COX7C: variants seen among roughly 807,000 people sequenced by gnomAD.
The protein encoded by COX7C is cytochrome c oxidase subunit 7C, mitochondrial.
Under a neutral mutation model 6.4 loss-of-function variants are expected in COX7C, and 1 was observed. That is an observed-to-expected ratio of 0.16 (90% CI 0.06 to 0.74). COX7C has a LOEUF of 0.74. Ranked by LOEUF, COX7C falls within the 30% of genes least tolerant of loss-of-function variation. COX7C has a pLI of 0.78. For synonymous variants in COX7C, 24 were observed against 28.9 expected (o/e 0.83, Z 0.54); for missense variants, 54 against 73.7 (o/e 0.73, Z 0.98).
intron 2 of COX7C, chr5:86,620,232 A>G (rs1750092771): frequency 6.6e-6 from 1 of 152,552 alleles, no homozygotes; most frequent in Admixed American, 6.5e-5. Flanking sequence ...GCATTTGGCA[A>G]TGTGAGACAT....
In COX7C at chr5:86,619,433, C is replaced by G; in HGVS notation, c.156C>G (p.Pro52=). Residue 52 remains proline (P), a synonymous_variant, in exon 2 of 3, where the codon CCC becomes CCG. Coordinates refer to ENST00000247655, the MANE Select transcript of COX7C (RefSeq NM_001867.3). ...ACTTTGGATCTGCATTTGCTACACC[C>G]TTCCTTGTAGTAAGACACCAACTGC... ...CLYFGSAFAT[P]FLVVRHQLLK... 6.2e-7 allele frequency: 1 copy of G among 1,613,292 alleles called. No individual in the cohort carries two copies. Among genetic ancestry groups the G allele is most frequent in the South Asian group, 1.1e-5 (1 of 91,066 alleles).
At chr5:86,619,768 C>CA in intron 2 of COX7C, 1 of 252,928 alleles carries the variant, frequency 4.0e-6, no homozygotes, top group South Asian at 7.1e-5. Flanking sequence ...ATAGTAACCC[C>CA]ATCTGAGACA....
In COX7C at chr5:86,620,873, A is replaced by G. The variant is rs1341536924; in HGVS notation, c.*233A>G. Reference sequence around the variant, plus strand: ...TACTCTCTGTGATTTAGCTTATTTAATGGTGTTAAACTGAGGTTATATTAA... The same window carrying G: ...TACTCTCTGTGATTTAGCTTATTTAGTGGTGTTAAACTGAGGTTATATTAA... On this transcript the variant is annotated 3_prime_UTR_variant, in exon 3 of 3. Coordinates refer to ENST00000247655, the MANE Select transcript of COX7C (RefSeq NM_001867.3). The G allele has an allele frequency of 5.8e-6, 1 of 172,496 alleles. No homozygotes were observed. Among genetic ancestry groups the G allele is most frequent in the Non-Finnish European group, 1.3e-5 (1 of 78,132 alleles). 10.7% of individuals were successfully genotyped at this position (172,496 alleles called of 1,614,324 possible).
At chr5:86,618,991 A>G (rs1402810109) in intron 1 of COX7C, among the ~76,000 whole-genome samples, 10 of 151,752 alleles carry the variant, frequency 6.6e-5, no homozygotes, top group Non-Finnish European at 1.0e-4. Flanking sequence ...AAAAAAAAAA[A>G]AAGAAAAAAA....
At position 86,619,504 on chromosome 5, in the gene COX7C, G is replaced by A; in HGVS notation, c.*27+8G>A. 7.4e-7 allele frequency: 1 copy of A among 1,359,846 alleles called. No homozygotes were observed. Among genetic ancestry groups the A allele is most frequent in the East Asian group, 2.3e-5 (1 of 43,588 alleles). The allele number at this position is 1,359,846 out of a possible 1,614,324, so 84.2% of individuals were successfully genotyped here. Reference sequence around the variant, plus strand: ...AGTTCCTCCATTTAACAGGTAGTTAGTGGATTTCTAATCATGTTAAAGCAG... The same window carrying A: ...AGTTCCTCCATTTAACAGGTAGTTAATGGATTTCTAATCATGTTAAAGCAG... On this transcript the variant is annotated splice_region_variant and intron_variant, in intron 2 of 2. Coordinates refer to ENST00000247655, the MANE Select transcript of COX7C (RefSeq NM_001867.3).
intron 1 of COX7C, 60 bp from the exon 2 acceptor site, chr5:86,619,293 A>G (rs1750067858): frequency 2.0e-6 from 2 of 1,002,920 alleles, no homozygotes; most frequent in South Asian, 2.6e-5. Flanking sequence ...TTGTATTTTG[A>G]TTATTAAGCA....
chr5:86,618,989 A>G (rs1486235029), intron 1 of COX7C, among the ~76,000 whole-genome samples: 8 of 151,622 alleles, frequency 5.3e-5, no homozygotes, highest in African/African-American at 7.3e-5. Flanking sequence ...AAAAAAAAAA[A>G]AAAAGAAAAA....
intron 2 of COX7C, chr5:86,619,808 A>G (rs907148015): frequency 4.3e-4 from 91 of 213,070 alleles, no homozygotes; most frequent in Non-Finnish European, 1.2e-4. Context: ...AACATCTCAT[A>G]ACTAGTATAA....
At chr5:86,619,844 C>G in intron 2 of COX7C, 1 of 174,936 alleles carries the variant, frequency 5.7e-6, no homozygotes, top group Non-Finnish European at 1.2e-5. Context: ...CTTGCCCAGG[C>G]AGTTTCTTGT....
chr5:86,620,389 CTTAA>C (rs1164002787), intron 2 of COX7C: 1 of 170,832 alleles, frequency 5.9e-6, no homozygotes, highest in African/African-American at 2.4e-5. Flanking sequence ...AAATATTTAG[CTTAA>C]TTGTCATCAG....
intron 1 of COX7C, chr5:86,618,368 G>C (rs575118306): frequency 2.0e-6 from 1 of 496,704 alleles, no homozygotes; most frequent in South Asian, 2.2e-5. Context: ...GCCACCTGAC[G>C]CCCCCTCCCC....
At chr5:86,619,138 C>T (rs989852125) in intron 1 of COX7C, among the ~76,000 whole-genome samples, 1 of 152,120 alleles carries the variant, frequency 6.6e-6, no homozygotes, top group Non-Finnish European at 1.5e-5. Context: ...TTGCCTAGTG[C>T]TTAGTAAAGC....
Position 86,618,006 on chromosome 5 carries a change from T to C in COX7C, c.-50T>C. 3.2e-6 allele frequency: 5 copies of C among 1,585,198 alleles called. No individual in the cohort carries two copies. The highest frequency in any genetic ancestry group is 4.3e-6 in the Non-Finnish European group (5 of 1,155,760). On this transcript the variant is annotated 5_prime_UTR_variant, in exon 1 of 3. Coordinates refer to ENST00000247655, the MANE Select transcript of COX7C (RefSeq NM_001867.3). ...AAAAGGTCTTGGTGAGGTGCCGCCA[T>C]TTCATCTGTCCTCATTCTCTGCGCC... is the stretch of plus-strand genomic sequence containing the variant.
At chr5:86,620,280 G>T (rs1750093892) in intron 2 of COX7C, 1 of 152,548 alleles carries the variant, frequency 6.6e-6, no homozygotes, top group Admixed American at 6.5e-5. Flanking sequence ...ATTACCAGTG[G>T]TGCTGAGGTT....
At position 86,620,879 on chromosome 5, in the gene COX7C, T is replaced by G. The variant is rs1417409540; in HGVS notation, c.*239T>G. ...CTGTGATTTAGCTTATTTAATGGTG[T>G]TAAACTGAGGTTATATTAAATTTTT... On this transcript the variant is annotated 3_prime_UTR_variant, in exon 3 of 3. Coordinates refer to ENST00000247655, the MANE Select transcript of COX7C (RefSeq NM_001867.3). 1 of 159,654 alleles carries G rather than the reference T, an allele frequency of 6.3e-6. No individual in the cohort carries two copies. Among genetic ancestry groups the G allele is most frequent in the Non-Finnish European group, 1.4e-5 (1 of 71,868 alleles). The allele number at this position is 159,654 out of a possible 1,614,324, so 9.9% of individuals were successfully genotyped here.
At position 86,620,852 on chromosome 5, in the gene COX7C, CT is replaced by C; in HGVS notation, c.*213del. On this transcript the variant is annotated 3_prime_UTR_variant, in exon 3 of 3. Coordinates refer to ENST00000247655, the MANE Select transcript of COX7C (RefSeq NM_001867.3). Reference sequence around the variant, plus strand: ...ATTTGGGTAACATTCCAGTATTACTCTCTGTGATTTAGCTTATTTAATGGTG... The same window carrying C: ...ATTTGGGTAACATTCCAGTATTACTCCTGTGATTTAGCTTATTTAATGGTG... 5.2e-6 allele frequency: 1 copy of C among 192,044 alleles called. No individual in the cohort carries two copies. The highest frequency in any genetic ancestry group is 1.1e-5 in the Non-Finnish European group (1 of 87,488). 11.9% of individuals were successfully genotyped at this position (192,044 alleles called of 1,614,324 possible). A position where few individuals can be genotyped will look rare whatever the true frequency, so the allele number is the denominator to read the frequency against.
chr5:86,618,142 A>AG lies in COX7C; in HGVS notation c.75+16dup. On this transcript the variant is annotated intron_variant, in intron 1 of 2. Transcript: ENST00000247655. Reference sequence around the variant, plus strand: ...AGGGCCCTGGGAAGGTTAGTGTGTAAGGGGCACGGCTTCGTTGGGGGAGGG... The same window carrying AG: ...AGGGCCCTGGGAAGGTTAGTGTGTAAGGGGGCACGGCTTCGTTGGGGGAGGG... 17 of 1,613,762 alleles carry AG rather than the reference A, an allele frequency of 1.1e-5. No individual in the cohort carries two copies. The highest frequency in any genetic ancestry group is 1.4e-5 in the Non-Finnish European group (17 of 1,179,810).
Position 86,617,983 on chromosome 5 carries a change from A to G in COX7C, c.-73A>G. 2.8e-6 allele frequency: 4 copies of G among 1,433,414 alleles called. No individual in the cohort carries two copies. The highest frequency in any genetic ancestry group is 1.4e-5 in the African/African-American group (1 of 71,122). 88.8% of individuals were successfully genotyped at this position (1,433,414 alleles called of 1,614,324 possible). ...ACCGGGGAACAAGGTCGTGAAAAAAAAGGTCTTGGTGAGGTGCCGCCATTT... is the reference window on the plus strand; with the variant it reads ...ACCGGGGAACAAGGTCGTGAAAAAAGAGGTCTTGGTGAGGTGCCGCCATTT... On this transcript the variant is annotated 5_prime_UTR_variant, in exon 1 of 3. Coordinates refer to ENST00000247655, the MANE Select transcript of COX7C (RefSeq NM_001867.3).
intron 2 of COX7C, chr5:86,620,423 A>G (rs1450440741): frequency 3.2e-5 from 7 of 221,166 alleles, no homozygotes; most frequent in South Asian, 1.2e-4. Flanking sequence ...GAGTAATACT[A>G]TAGAACACTA....
Sources: gnomAD v4.1 joint callset for allele counts (sites outside exome capture counted in the v4.1 genomes callset) on GRCh38, gnomAD v4.1.1 for gene constraint, MANE v1.5 for transcripts, NCBI Gene and HGNC (gene_info 2026-07-23, HGNC 2026-07-21) for gene names.